Variants in BTBD10 observed in about 807,000 individuals in gnomAD.
The protein encoded by BTBD10 is BTB domain containing 10, also known as BTB/POZ domain-containing protein 10.
In BTBD10, 21 loss-of-function variants were observed where a neutral mutation model predicts 53.2. That is an observed-to-expected ratio of 0.39 (90% CI 0.28 to 0.57). The LOEUF is 0.57. BTBD10 is among the 20% of genes least tolerant of loss of function. The probability of loss-of-function intolerance (pLI) is 0.53; values close to 1 mark genes in which losing one functional copy is unlikely to be tolerated. For missense variants in BTBD10, 360 were observed against 594.7 expected, an observed-to-expected ratio of 0.61 and a Z score of 4.10; for synonymous variants, 149 against 192.7, an observed-to-expected ratio of 0.77 and a Z score of 1.88.
At chr11:13,460,648 A>C (rs1449157967) in intron 1 of BTBD10, among the ~76,000 whole-genome samples, 1 of 152,214 alleles carries the variant, frequency 6.6e-6, no homozygotes, top group Non-Finnish European at 1.5e-5. Flanking sequence ...GAAGGGGCAC[A>C]AGAGTGTTTG....
At chr11:13,421,596 T>G (rs767392503) in intron 3 of BTBD10, 46 bp downstream of exon 3, 2 of 1,506,946 alleles carry the variant, frequency 1.3e-6, no homozygotes, top group East Asian at 2.3e-5. Flanking sequence ...AAAAGGTAAA[T>G]GCATGTTTTT....
chr11:13,429,262 A>G (rs1028006121), intron 2 of BTBD10, among the ~76,000 whole-genome samples: 1 of 152,198 alleles, frequency 6.6e-6, no homozygotes, highest in Non-Finnish European at 1.5e-5. Context: ...TGGAAAACCA[A>G]GTAGGCTTGC....
rs116937803 is a variant in BTBD10 at position 13,435,786 on chromosome 11, C to T, written c.101+9238G>A. ...AATTACAGGCGTGAGCCACCACGCC[C>T]GGCCACAAAACAGATTTCTAAAGAC... On this transcript the variant is annotated intron_variant, in intron 2 of 8. Transcript: ENST00000278174. Among the ~76,000 whole-genome samples the T allele has an allele frequency of 9.0e-4, 137 of 152,316 alleles. 1 individual carries two copies. The East Asian group carries it at 0.02, about 22-fold the overall frequency.
intron 5 of BTBD10, among the ~76,000 whole-genome samples, chr11:13,415,971 G>A (rs72870954): frequency 0.15 from 22,929 of 151,058 alleles, 1,987 homozygotes; most frequent in Admixed American, 0.24. Flanking sequence ...AACCAAAATC[G>A]CTGAATTTAA....
intron 8 of BTBD10, among the ~76,000 whole-genome samples, chr11:13,397,230 G>T (rs1461024526): frequency 1.3e-5 from 2 of 152,158 alleles, no homozygotes; most frequent in African/African-American, 2.4e-5. Context: ...CCTGTTATTG[G>T]TCTATTCAGA....
chr11:13,439,193 T>C (rs1313114807), intron 2 of BTBD10, among the ~76,000 whole-genome samples: 1 of 152,060 alleles, frequency 6.6e-6, no homozygotes, highest in Non-Finnish European at 1.5e-5. Flanking sequence ...AAACCATTAG[T>C]CAAAATGTTT....
At position 13,419,683 on chromosome 11, in the gene BTBD10, T is replaced by C. The variant is rs764332417; in HGVS notation, c.361A>G (p.Asn121Asp). 9 of 1,613,712 alleles carry C rather than the reference T, an allele frequency of 5.6e-6. No individual in the cohort carries two copies. The highest frequency in any genetic ancestry group is 4.5e-5 in the East Asian group (2 of 44,848). The change falls in exon 4 of 9, where the codon AAT becomes GAT. Residue 121 changes from asparagine (N) to aspartate (D), a missense_variant. Asn to Asp is a conservative substitution (Grantham distance 23). Transcript: ENST00000278174. The stretch of plus-strand genomic sequence containing the variant: ...TTCCCAGCACTGCTAATGGAACCAT[T>C]TGGGGATGCTTTTTGAGGACGCGGA... ...SSPRPQKASP[N>D]GSISSAGNSS...
intron 8 of BTBD10, among the ~76,000 whole-genome samples, chr11:13,395,304 CT>C (rs940747044): frequency 3.3e-5 from 5 of 152,120 alleles, no homozygotes; most frequent in Non-Finnish European, 7.4e-5. Flanking sequence ...TGATGATGAG[CT>C]TTTTTTCATG....
intron 8 of BTBD10, among the ~76,000 whole-genome samples, chr11:13,397,180 T>G (rs1223411678): frequency 6.6e-6 from 1 of 152,244 alleles, no homozygotes; most frequent in Non-Finnish European, 1.5e-5. Flanking sequence ...ATGGACTTTT[T>G]TTAGTTGGTA....
rs142210888 is a variant in BTBD10 at position 13,416,890 on chromosome 11, C to T, written c.687+268G>A. ...TCCCAACTACTCAGGAGGTGTGTGG[C>T]AGGAGGATTGCTTGAGCCCGGGAGG... is the stretch of plus-strand genomic sequence containing the variant. On this transcript the variant is annotated intron_variant, in intron 5 of 8. Transcript: ENST00000278174. 1.0e-3 allele frequency among the ~76,000 whole-genome samples: 157 copies of T among 152,198 alleles called. 1 individual carries two copies. The East Asian group carries it at 0.025, about 25-fold the overall frequency.
At chr11:13,456,033 T>C (rs761260029) in intron 1 of BTBD10, among the ~76,000 whole-genome samples, 7 of 152,214 alleles carry the variant, frequency 4.6e-5, no homozygotes, top group Non-Finnish European at 1.0e-4. Flanking sequence ...ATGTTCTACG[T>C]CTGCACTGTC....
chr11:13,414,480 C>T (rs892692647), intron 5 of BTBD10, among the ~76,000 whole-genome samples: 2 of 152,022 alleles, frequency 1.3e-5, no homozygotes, highest in Non-Finnish European at 2.9e-5. Context: ...ACGGTGAAAC[C>T]TTCTCTACTA....
intron 2 of BTBD10, among the ~76,000 whole-genome samples, chr11:13,432,339 A>T (rs910231960): frequency 9.3e-5 from 14 of 150,184 alleles, no homozygotes; most frequent in African/African-American, 3.2e-4. Flanking sequence ...ACCATGTAAT[A>T]AAAAAAAGAT....
rs755997543 is a variant in BTBD10 at position 13,388,701 on chromosome 11, C to G, written c.*130G>C. The G allele has an allele frequency of 9.4e-5, 96 of 1,021,828 alleles. No homozygotes were observed. The highest frequency in any genetic ancestry group is 2.2e-4 in the Admixed American group (9 of 40,186). 63.3% of individuals were successfully genotyped at this position (1,021,828 alleles called of 1,614,324 possible). A position where few individuals can be genotyped will look rare whatever the true frequency, so the allele number is the denominator to read the frequency against. On this transcript the variant is annotated 3_prime_UTR_variant, in exon 9 of 9. Coordinates refer to ENST00000278174, the MANE Select transcript of BTBD10 (RefSeq NM_032320.7). ...AGCTACCTTTGGTCTTTAAAAAAGC[C>G]TACACTGCAATATCCTAAACATTGT...
intron 6 of BTBD10, among the ~76,000 whole-genome samples, chr11:13,409,607 C>T (rs1460546247): frequency 6.6e-6 from 1 of 152,108 alleles, no homozygotes; most frequent in Non-Finnish European, 1.5e-5. Flanking sequence ...CCACTTAAAC[C>T]TCTGCACACA....
chr11:13,398,208 T>A (rs1423499816), intron 8 of BTBD10, among the ~76,000 whole-genome samples: 1 of 152,162 alleles, frequency 6.6e-6, no homozygotes, highest in Admixed American at 6.5e-5. Context: ...AGGACTTGCT[T>A]TATGAATCTG....
chr11:13,454,669 T>A (rs1214176409), intron 1 of BTBD10, among the ~76,000 whole-genome samples: 1 of 151,958 alleles, frequency 6.6e-6, no homozygotes, highest in Non-Finnish European at 1.5e-5. Context: ...CTGGGTAACA[T>A]AATGAGACCC....
intron 2 of BTBD10, among the ~76,000 whole-genome samples, chr11:13,429,254 G>C (rs2133990983): frequency 6.6e-6 from 1 of 152,042 alleles, no homozygotes; most frequent in Middle Eastern, 3.4e-3. Context: ...AATCCCAATG[G>C]AAAACCAAGT....
At chr11:13,438,359 A>C (rs1254056301) in intron 2 of BTBD10, among the ~76,000 whole-genome samples, 1 of 152,064 alleles carries the variant, frequency 6.6e-6, no homozygotes, top group Non-Finnish European at 1.5e-5. Context: ...AAAAATAATC[A>C]ATATTACATT....
Sources: gnomAD v4.1 joint callset for allele counts (sites outside exome capture counted in the v4.1 genomes callset) on GRCh38, gnomAD v4.1.1 for gene constraint, MANE v1.5 for transcripts, NCBI Gene and HGNC (gene_info 2026-07-23, HGNC 2026-07-21) for gene names.